RORA: variants seen among roughly 807,000 people sequenced by gnomAD.
RORA encodes nuclear receptor ROR-alpha.
In RORA, 7 loss-of-function variants were observed where a neutral mutation model predicts 69.5. The observed-to-expected ratio is 0.10, with a 90% CI of 0.06 to 0.19. The LOEUF (loss-of-function observed/expected upper bound fraction) is 0.19. Ranked by LOEUF, RORA falls within the 10% of genes least tolerant of loss-of-function variation. The probability of loss-of-function intolerance (pLI) is 1.00; values close to 1 mark genes in which losing one functional copy is unlikely to be tolerated. For missense variants in RORA, 457 were observed against 663.0 expected (o/e 0.69, Z 3.41); for synonymous variants, 261 against 240.8 (o/e 1.08, Z -0.78).
chr15:60,996,112 C>T (rs915748601), intron 1 of RORA, among the ~76,000 whole-genome samples: 11 of 151,470 alleles, frequency 7.3e-5, no homozygotes, highest in Non-Finnish European at 1.0e-4. Context: ...ACTCTGTTGC[C>T]CAGGCTGCAG....
chr15:60,821,276 C>A (rs1251789839), intron 1 of RORA, among the ~76,000 whole-genome samples: 2 of 152,150 alleles, frequency 1.3e-5, no homozygotes, highest in Non-Finnish European at 2.9e-5. Context: ...CGTCTCCCTG[C>A]TGTGTGCTGT....
intron 1 of RORA, among the ~76,000 whole-genome samples, chr15:61,168,996 C>A (rs371450365): frequency 3.3e-5 from 5 of 152,292 alleles, no homozygotes; most frequent in East Asian, 1.9e-4. Flanking sequence ...TCCCTCCAAG[C>A]CACACCACTC....
At chr15:60,658,437 T>G (rs573888326) in intron 2 of RORA, among the ~76,000 whole-genome samples, 1 of 152,286 alleles carries the variant, frequency 6.6e-6, no homozygotes, top group East Asian at 1.9e-4. Flanking sequence ...ATAAATAAAA[T>G]CTGCATTTCT....
chr15:60,694,902 A>C (rs1279310555), intron 1 of RORA, among the ~76,000 whole-genome samples: 1 of 152,204 alleles, frequency 6.6e-6, no homozygotes, highest in African/African-American at 2.4e-5. Flanking sequence ...AAATTATTTG[A>C]ATACCTCATT....
intron 1 of RORA, among the ~76,000 whole-genome samples, chr15:60,801,192 G>A (rs192491780): frequency 1.3e-5 from 2 of 152,082 alleles, no homozygotes; most frequent in Non-Finnish European, 2.9e-5. Flanking sequence ...GGTAAAATTC[G>A]TGAAAACACC....
rs2079161862 is a variant in RORA at position 61,128,478 on chromosome 15, C to T, written c.166+100575G>A. ...CCAGTCACTGGAATTCCCTGGGCAT[C>T]CACACAAATGAATATAATTACAGAT... is the stretch of plus-strand genomic sequence containing the variant. On this transcript the variant is annotated intron_variant, in intron 1 of 10. Coordinates refer to ENST00000335670, the MANE Select transcript of RORA (RefSeq NM_134261.3). This position sits in a 1 kb window ranked among gnomAD's most constrained non-coding sequence, Gnocchi z 4.5. Among the ~76,000 whole-genome samples, 1 of 152,144 alleles carries T rather than the reference C, an allele frequency of 6.6e-6. No homozygotes were observed. The highest frequency in any genetic ancestry group is 1.5e-5 in the Non-Finnish European group (1 of 68,014).
rs935687559 is a variant in RORA at position 61,147,208 on chromosome 15, A to T, written c.166+81845T>A. Among the ~76,000 whole-genome samples the T allele has an allele frequency of 4.6e-5, 7 of 152,168 alleles. No individual in the cohort carries two copies. The highest frequency in any genetic ancestry group is 8.8e-5 in the Non-Finnish European group (6 of 68,034). On this transcript the variant is annotated intron_variant, in intron 1 of 10. Transcript: ENST00000335670. This position sits in a 1 kb window ranked among gnomAD's most constrained non-coding sequence, Gnocchi z 4.1. The stretch of plus-strand genomic sequence containing the variant: ...TCAACCACTAGTCATGCCTTGAACC[A>T]CACAGCACCGTGGTCGTTTCCACCA...
At chr15:60,941,896 A>C (rs1490103494) in intron 1 of RORA, among the ~76,000 whole-genome samples, 2 of 90,708 alleles carry the variant, frequency 2.2e-5, no homozygotes, top group Non-Finnish European at 5.0e-5. Context: ...TGTTGTTACC[A>C]AGAAATAGTT....
intron 1 of RORA, among the ~76,000 whole-genome samples, chr15:61,055,128 T>C (rs1012055014): frequency 1.3e-5 from 2 of 152,200 alleles, no homozygotes; most frequent in Non-Finnish European, 2.9e-5. Context: ...TGAGCCACCG[T>C]GCCCGGCCTA....
chr15:60,943,936 A>AAAAAAAAAAAAAAAC, intron 1 of RORA, among the ~76,000 whole-genome samples: 1 of 149,698 alleles, frequency 6.7e-6, no homozygotes, highest in South Asian at 2.1e-4. Context: ...AAAAAAAAAA[A>AAAAAAAAAAAAAAAC]AAAAGTGAGT....
At chr15:61,004,483 G>A (rs1033973796) in intron 1 of RORA, among the ~76,000 whole-genome samples, 2 of 151,968 alleles carry the variant, frequency 1.3e-5, no homozygotes, top group African/African-American at 4.8e-5. Context: ...GGGGCAGAGT[G>A]AGGGCTGTCT....
intron 2 of RORA, among the ~76,000 whole-genome samples, chr15:60,571,016 G>A (rs1224182335): frequency 6.6e-6 from 1 of 152,132 alleles, no homozygotes; most frequent in Non-Finnish European, 1.5e-5. Context: ...AGTGTTGAAT[G>A]GCAGATAAAA....
chr15:60,650,274 A>G (rs2070122012), intron 2 of RORA, among the ~76,000 whole-genome samples: 1 of 151,968 alleles, frequency 6.6e-6, no homozygotes, highest in Admixed American at 6.5e-5. Flanking sequence ...GGAAGCTTAG[A>G]GAGGATCAAA....
At chr15:60,854,816 C>T (rs936060345) in intron 1 of RORA, among the ~76,000 whole-genome samples, 1 of 152,308 alleles carries the variant, frequency 6.6e-6, no homozygotes, top group African/African-American at 2.4e-5. Context: ...TGCCAAACAT[C>T]GAGGACGAGG....
intron 2 of RORA, chr15:60,627,377 C>G: frequency 6.2e-7 from 1 of 1,614,126 alleles, no homozygotes; most frequent in Non-Finnish European, 8.5e-7. Flanking sequence ...TCATTCATGC[C>G]TTTTCCTGGT....
chr15:61,010,218 A>T (rs1282688730), intron 1 of RORA, among the ~76,000 whole-genome samples: 1 of 152,178 alleles, frequency 6.6e-6, no homozygotes, highest in Non-Finnish European at 1.5e-5. Flanking sequence ...TTGAGAGGAA[A>T]CACTTCTATT....
chr15:61,207,644 C>T (rs1164110930), intron 1 of RORA, among the ~76,000 whole-genome samples: 2 of 152,162 alleles, frequency 1.3e-5, no homozygotes, highest in African/African-American at 2.4e-5. Context: ...TTCGTGATTC[C>T]GAGCTGAAAA....
At chr15:60,609,083 T>C (rs1462802789) in intron 2 of RORA, among the ~76,000 whole-genome samples, 2 of 152,226 alleles carry the variant, frequency 1.3e-5, no homozygotes, top group East Asian at 3.9e-4. Flanking sequence ...TACATTTTAA[T>C]ATTTCATCCA....
chr15:61,184,004 A>T (rs1461168490), intron 1 of RORA, among the ~76,000 whole-genome samples: 1 of 152,154 alleles, frequency 6.6e-6, no homozygotes, highest in African/African-American at 2.4e-5. Flanking sequence ...TCATCTGTTA[A>T]TTCAGAGGGC....
Sources: allele counts gnomAD v4.1 joint callset (sites outside exome capture counted in the v4.1 genomes callset), GRCh38; gene constraint gnomAD v4.1.1; non-coding constraint Gnocchi (gnomAD v3.1); transcripts MANE v1.5; gene names NCBI Gene and HGNC (gene_info 2026-07-23, HGNC 2026-07-21).